The following PCDH15 variants were observed in gnomAD, a reference collection of about 807,000 sequenced individuals.
PCDH15 encodes protocadherin-15.
A neutral mutation model predicts 178.5 loss-of-function variants in PCDH15; 129 were observed. The ratio of observed to expected loss-of-function variants is 0.72; its 90% CI spans 0.63 to 0.84. The LOEUF (loss-of-function observed/expected upper bound fraction) is 0.84, where lower values mean the gene tolerates loss of function less well. Ranked by LOEUF, PCDH15 falls within the 40% of genes least tolerant of loss-of-function variation. The pLI, the probability that PCDH15 is intolerant of heterozygous loss-of-function variation, is 0.00. For synonymous variants in PCDH15, 800 were observed against 732.0 expected (o/e 1.09, Z -1.50); for missense variants, 2,230 against 2,099.9 (o/e 1.06, Z -1.21).
chr10:55,587,809 T>C (rs539332574), intron 2 of PCDH15, among the ~76,000 whole-genome samples: 3 of 152,310 alleles, frequency 2.0e-5, no homozygotes, highest in Admixed American at 1.3e-4. Context: ...AGGTCGTTTG[T>C]TAGCTTTCAA....
At chr10:54,259,888 T>A (rs1277667191) in intron 8 of PCDH15, among the ~76,000 whole-genome samples, 1 of 152,190 alleles carries the variant, frequency 6.6e-6, no homozygotes, top group Non-Finnish European at 1.5e-5. Context: ...TAGTGAAGAT[T>A]ATTTCCTTAT....
intron 1 of PCDH15, among the ~76,000 whole-genome samples, chr10:54,760,185 C>CAA (rs1475584508): frequency 6.6e-6 from 1 of 152,116 alleles, no homozygotes; most frequent in Non-Finnish European, 1.5e-5. Flanking sequence ...AACTAATATG[C>CAA]AATGTATCAA....
intron 25 of PCDH15, among the ~76,000 whole-genome samples, chr10:53,912,731 C>A (rs1192485200): frequency 6.6e-6 from 1 of 152,148 alleles, no homozygotes; most frequent in African/African-American, 2.4e-5. Flanking sequence ...ATCCAACTTA[C>A]AAGGGATGCG....
chr10:54,595,355 A>G (rs2133990371), intron 2 of PCDH15, among the ~76,000 whole-genome samples: 1 of 152,292 alleles, frequency 6.6e-6, no homozygotes, highest in South Asian at 2.1e-4. Flanking sequence ...TGGCCACCTG[A>G]AGTCTTCCAC....
At chr10:55,578,472 G>A (rs559419892) in intron 2 of PCDH15, among the ~76,000 whole-genome samples, 3 of 152,194 alleles carry the variant, frequency 2.0e-5, no homozygotes, top group East Asian at 1.9e-4. Context: ...GCCCGCCTCC[G>A]CCTTCCAAAG....
intron 8 of PCDH15, among the ~76,000 whole-genome samples, chr10:54,287,299 A>G (rs566016258): frequency 1.3e-5 from 2 of 152,244 alleles, no homozygotes; most frequent in African/African-American, 2.4e-5. Flanking sequence ...CTCTCTGACC[A>G]TTAATCTTGG....
intron 2 of PCDH15, among the ~76,000 whole-genome samples, chr10:54,660,891 C>T (rs929133580): frequency 2.0e-5 from 3 of 151,788 alleles, no homozygotes; most frequent in African/African-American, 4.8e-5. Flanking sequence ...GCAGAAAAAA[C>T]ATTCAATAAT....
intron 18 of PCDH15, among the ~76,000 whole-genome samples, chr10:54,038,394 G>A (rs376611627): frequency 2.0e-5 from 3 of 151,812 alleles, no homozygotes; most frequent in African/African-American, 7.3e-5. Flanking sequence ...TATGCTTTGG[G>A]GGTCAACATT....
At chr10:54,565,333 C>T (rs2088871653) in intron 2 of PCDH15, among the ~76,000 whole-genome samples, 1 of 152,140 alleles carries the variant, frequency 6.6e-6, no homozygotes, top group South Asian at 2.1e-4. Flanking sequence ...GCTATGGAGA[C>T]AAATATAAAT....
rs71004485 is a variant in PCDH15, at chr10:53,851,671, AATATATATATATAT to A, written c.3806+5490_3806+5503del. 9.6e-3 allele frequency among the ~76,000 whole-genome samples: 1,006 copies of A among 104,502 alleles called. 21 individuals carry two copies. The highest frequency in any genetic ancestry group is 0.022 in the African/African-American group (724 of 32,538). The allele number at this position is 104,502 out of a possible 152,430, so 68.6% of individuals were successfully genotyped here. ...GAGACCTTCTAATTATCCTCCTAGAAATATATATATATATATATATATATATATATATATATATA... is the reference window on the plus strand; with the variant it reads ...GAGACCTTCTAATTATCCTCCTAGAAATATATATATATATATATATATATA... On this transcript the variant is annotated intron_variant, in intron 28 of 37. Coordinates refer to ENST00000644397, the MANE Select transcript of PCDH15 (RefSeq NM_001384140.1).
chr10:54,296,647 G>A (rs1051449454), intron 8 of PCDH15, among the ~76,000 whole-genome samples: 1 of 151,968 alleles, frequency 6.6e-6, no homozygotes, highest in Non-Finnish European at 1.5e-5. Flanking sequence ...CATAATTTTT[G>A]CCCAAAGCCC....
chr10:55,065,309 T>G (rs1841534530), intron 2 of PCDH15, among the ~76,000 whole-genome samples: 1 of 152,034 alleles, frequency 6.6e-6, no homozygotes, highest in African/African-American at 2.4e-5. Flanking sequence ...ATTGAACTCC[T>G]TTTCCCCTTT....
At chr10:54,232,289 G>T (rs913720941) in intron 9 of PCDH15, among the ~76,000 whole-genome samples, 8 of 152,122 alleles carry the variant, frequency 5.3e-5, no homozygotes, top group Non-Finnish European at 4.4e-5. Context: ...CTCTGGCCAC[G>T]TAAGATGCGC....
chr10:55,389,177 A>G lies in PCDH15; in HGVS notation c.-155-222526T>C, dbSNP rs144952726. ...CAGTTTCCCTAAGGGAGAGTTTAAA[A>G]AAAGTGAATGGGGTGAGGAGAGTCG... On this transcript the variant is annotated intron_variant, in intron 2 of 5. Transcript: ENST00000613346. 3.7e-3 allele frequency among the ~76,000 whole-genome samples: 567 copies of G among 152,222 alleles called. 4 individuals carry two copies. The highest frequency in any genetic ancestry group is 0.011 in the African/African-American group (471 of 41,564).
intron 1 of PCDH15, among the ~76,000 whole-genome samples, chr10:55,316,337 A>G (rs983048372): frequency 2.0e-5 from 3 of 152,220 alleles, no homozygotes; most frequent in Non-Finnish European, 2.9e-5. Flanking sequence ...ATTATTTTAA[A>G]TGTAGAATTA....
chr10:54,251,331 C>A (rs1188607186), intron 8 of PCDH15, among the ~76,000 whole-genome samples: 1 of 152,156 alleles, frequency 6.6e-6, no homozygotes, highest in Non-Finnish European at 1.5e-5. Flanking sequence ...AACACAGGTT[C>A]TTTATATAAC....
At chr10:55,094,042 G>A (rs1176060573) in intron 2 of PCDH15, among the ~76,000 whole-genome samples, 2 of 152,042 alleles carry the variant, frequency 1.3e-5, no homozygotes, top group Non-Finnish European at 2.9e-5. Flanking sequence ...CCATTGCTGG[G>A]TATATACCCA....
chr10:54,367,703 T>A (rs1320250833), intron 5 of PCDH15, among the ~76,000 whole-genome samples: 1 of 151,806 alleles, frequency 6.6e-6, no homozygotes, highest in Admixed American at 6.6e-5. Flanking sequence ...AAATACCTAA[T>A]GTAGATGATG....
chr10:54,558,417 A>G (rs556341191), intron 2 of PCDH15, among the ~76,000 whole-genome samples: 2 of 152,086 alleles, frequency 1.3e-5, no homozygotes, highest in Non-Finnish European at 1.5e-5. Context: ...TTGTTTCCAC[A>G]TGCATCTCGC....
Sources: gnomAD v4.1 joint callset for allele counts (sites outside exome capture counted in the v4.1 genomes callset) on GRCh38, gnomAD v4.1.1 for gene constraint, MANE v1.5 for transcripts, NCBI Gene and HGNC (gene_info 2026-07-23, HGNC 2026-07-21) for gene names.